Variants in MIPOL1 observed in about 807,000 individuals in gnomAD.
MIPOL1 encodes the protein mirror-image polydactyly gene 1 protein.
A neutral mutation model predicts 60.9 loss-of-function variants in MIPOL1; 57 were observed. The ratio of observed to expected loss-of-function variants is 0.94; its 90% CI spans 0.76 to 1.17. MIPOL1 has a LOEUF of 1.17. MIPOL1 is among the 50% of genes most tolerant of loss of function. The probability of loss-of-function intolerance (pLI) is 0.00; values close to 1 mark genes in which losing one functional copy is unlikely to be tolerated. For synonymous variants in MIPOL1, 179 were observed against 168.8 expected (o/e 1.06, Z -0.47); for missense variants, 551 against 511.6 (o/e 1.08, Z -0.74).
intron 11 of MIPOL1, among the ~76,000 whole-genome samples, chr14:37,491,214 G>A (rs958745577): frequency 1.3e-5 from 2 of 152,048 alleles, no homozygotes; most frequent in African/African-American, 4.8e-5. Context: ...TTAATTCCAG[G>A]TACTGTAGTA....
Position 37,267,053 on chromosome 14 carries a change from A to C in MIPOL1, c.135A>C (p.Leu45Phe), listed in dbSNP as rs762695734. ...GTATGCATCGGAAATCCACTGAATT[A>C]GTTAATGAAATAACATGTGAGAACA... ...EKSMHRKSTE[L>F]VNEITCENTE... Residue 45 changes from leucine to phenylalanine, a missense_variant, in exon 4 of 13, where the codon TTA (leucine) becomes TTC (phenylalanine). By Grantham distance (22) the Leu-to-Phe change is conservative. Coordinates refer to ENST00000684589, the MANE Select transcript of MIPOL1 (RefSeq NM_001388067.1). 107 of 1,614,036 alleles carry C rather than the reference A, an allele frequency of 6.6e-5. No individual in the cohort carries two copies. The highest frequency in any genetic ancestry group is 1.7e-4 in the Middle Eastern group (1 of 6,060).
At chr14:37,529,270 T>A (rs2095466132) in intron 12 of MIPOL1, among the ~76,000 whole-genome samples, 1 of 152,230 alleles carries the variant, frequency 6.6e-6, no homozygotes, top group African/African-American at 2.4e-5. Context: ...TTTATTTTCA[T>A]CTCTGTTACC....
chr14:37,397,360 C>G (rs533953437), intron 10 of MIPOL1, among the ~76,000 whole-genome samples: 22 of 139,258 alleles, frequency 1.6e-4, no homozygotes, highest in African/African-American at 5.9e-4. Context: ...ATACCAGCAC[C>G]TGTTCCAGTG....
chr14:37,251,055 T>A (rs530483935), intron 3 of MIPOL1, among the ~76,000 whole-genome samples: 8 of 151,772 alleles, frequency 5.3e-5, no homozygotes, highest in Non-Finnish European at 1.0e-4. Flanking sequence ...AAACCCAAGT[T>A]TTTTTTTATA....
chr14:37,361,614 T>C lies in MIPOL1; in HGVS notation c.829-7903T>C, dbSNP rs1343040387. ...TTTTTGTTTCTCCCTCTCTCTCTTT[T>C]TTTTTTTTTTTTTTTTTTTTTTTGC... On this transcript the variant is annotated intron_variant, in intron 9 of 12. Coordinates refer to ENST00000684589, the MANE Select transcript of MIPOL1 (RefSeq NM_001388067.1). Among the ~76,000 whole-genome samples the C allele has an allele frequency of 7.7e-3, 18 of 2,330 alleles. No homozygotes were observed. In the East Asian group the frequency reaches 0.15, roughly 19 times the overall value. The allele number at this position is 2,330 out of a possible 152,430, so 1.5% of individuals were successfully genotyped here.
At chr14:37,294,501 A>T (rs2085428100) in intron 7 of MIPOL1, among the ~76,000 whole-genome samples, 2 of 152,190 alleles carry the variant, frequency 1.3e-5, no homozygotes, top group South Asian at 4.1e-4. Flanking sequence ...CAGAAGATCA[A>T]ACTAGTCCGA....
intron 7 of MIPOL1, among the ~76,000 whole-genome samples, chr14:37,296,596 GAC>G (rs1414948805): frequency 1.3e-5 from 2 of 152,068 alleles, no homozygotes; most frequent in African/African-American, 4.8e-5. Flanking sequence ...GAATCAAATA[GAC>G]ACAATAAAAA....
chr14:37,261,616 C>T (rs907478394), intron 3 of MIPOL1, among the ~76,000 whole-genome samples: 2 of 152,042 alleles, frequency 1.3e-5, no homozygotes, highest in Non-Finnish European at 2.9e-5. Flanking sequence ...GTGATGTTAT[C>T]TCACAGAAAG....
chr14:37,471,115 T>C (rs914314366), intron 11 of MIPOL1, among the ~76,000 whole-genome samples: 20 of 152,262 alleles, frequency 1.3e-4, no homozygotes, highest in African/African-American at 3.8e-4. Flanking sequence ...TTAAGTGTCT[T>C]TTGTATTTAG....
rs113154279 is a variant in MIPOL1 at position 37,311,252 on chromosome 14, G to A, written c.828+2733G>A. Among the ~76,000 whole-genome samples the A allele has an allele frequency of 2.2e-3, 340 of 152,160 alleles. 2 individuals are homozygous for A. The highest frequency in any genetic ancestry group is 7.7e-3 in the African/African-American group (318 of 41,528). ...TTTCTTGTTCTTGAATGAAGCATTCGTTCACCACAAATGATTCCATGCTGT... is the reference window on the plus strand; with the variant it reads ...TTTCTTGTTCTTGAATGAAGCATTCATTCACCACAAATGATTCCATGCTGT... On this transcript the variant is annotated intron_variant, in intron 9 of 12. Transcript: ENST00000684589.
At chr14:37,244,865 A>G (rs550943150) in intron 1 of MIPOL1, among the ~76,000 whole-genome samples, 11 of 152,268 alleles carry the variant, frequency 7.2e-5, no homozygotes, top group African/African-American at 2.6e-4. Context: ...AGAAGTATAA[A>G]TATGTTGCAT....
intron 9 of MIPOL1, among the ~76,000 whole-genome samples, chr14:37,345,560 C>G (rs1201437816): frequency 6.6e-6 from 1 of 152,150 alleles, no homozygotes; most frequent in African/African-American, 2.4e-5. Flanking sequence ...TAAGTCTCTT[C>G]AATAGTTTCT....
chr14:37,413,485 C>T (rs1400048371), intron 10 of MIPOL1, among the ~76,000 whole-genome samples: 1 of 152,194 alleles, frequency 6.6e-6, no homozygotes, highest in Non-Finnish European at 1.5e-5. Context: ...TTGCCTCCCT[C>T]TTCCACTTAA....
chr14:37,234,452 A>G (rs1971121115), intron 1 of MIPOL1, among the ~76,000 whole-genome samples: 1 of 150,432 alleles, frequency 6.6e-6, no homozygotes, highest in Admixed American at 6.6e-5. Context: ...TGGCATCTCA[A>G]CGTGCTGGTA....
At chr14:37,275,106 T>G in intron 6 of MIPOL1, among the ~76,000 whole-genome samples, 1 of 151,280 alleles carries the variant, frequency 6.6e-6, no homozygotes, top group South Asian at 2.1e-4. Context: ...TGTGCAAATA[T>G]TTTTTTAAAA....
At chr14:37,453,365 A>G (rs1407485513) in intron 11 of MIPOL1, among the ~76,000 whole-genome samples, 2 of 152,144 alleles carry the variant, frequency 1.3e-5, no homozygotes, top group Non-Finnish European at 2.9e-5. Context: ...AGTACTTAAT[A>G]GAACCTGGAA....
intron 11 of MIPOL1, among the ~76,000 whole-genome samples, chr14:37,432,650 C>T (rs2094093305): frequency 6.6e-6 from 1 of 150,708 alleles, no homozygotes; most frequent in Non-Finnish European, 1.5e-5. Context: ...TGAAAACTAT[C>T]ATTGGAAACA....
chr14:37,387,351 C>T (rs1051804527), intron 10 of MIPOL1, among the ~76,000 whole-genome samples: 1 of 151,752 alleles, frequency 6.6e-6, no homozygotes, highest in Non-Finnish European at 1.5e-5. Flanking sequence ...TAACATGGAT[C>T]AGAAGAAATA....
intron 1 of MIPOL1, among the ~76,000 whole-genome samples, chr14:37,225,094 T>C (rs1306800665): frequency 6.6e-6 from 1 of 152,192 alleles, no homozygotes; most frequent in Admixed American, 6.5e-5. Flanking sequence ...CCCATGGTCT[T>C]GGGCAGCTCT....
Sources: allele counts gnomAD v4.1 joint callset (sites outside exome capture counted in the v4.1 genomes callset), GRCh38; gene constraint gnomAD v4.1.1; transcripts MANE v1.5; gene names NCBI Gene and HGNC (gene_info 2026-07-23, HGNC 2026-07-21).